The following LHX2 variants were observed in gnomAD, a reference collection of about 807,000 sequenced individuals.
LHX2 encodes LIM/homeobox protein Lhx2.
In LHX2, 6 loss-of-function variants were observed where a neutral mutation model predicts 33.0. The ratio of observed to expected loss-of-function variants is 0.18; its 90% CI spans 0.10 to 0.36. LHX2 has a LOEUF of 0.36. Among genes scored for constraint, LHX2 ranks in the 10% least tolerant of loss-of-function variants. The pLI, the probability that LHX2 is intolerant of heterozygous loss-of-function variation, is 1.00. For synonymous variants in LHX2, 292 were observed against 253.1 expected (o/e 1.15, Z -1.46); for missense variants, 442 against 586.2 (o/e 0.75, Z 2.54).
At chr9:124,026,916 C>T (rs1341397209) in intron 4 of LHX2, among the ~76,000 whole-genome samples, 1 of 152,162 alleles carries the variant, frequency 6.6e-6, no homozygotes, top group Non-Finnish European at 1.5e-5. Context: ...TACTTTGAAC[C>T]TCCATTTCCC....
chr9:124,021,026 G>A (rs1246722781), intron 3 of LHX2, 73 bp from the exon 4 acceptor site: 2 of 1,367,084 alleles, frequency 1.5e-6, no homozygotes, highest in Non-Finnish European at 1.0e-6. Flanking sequence ...TTGGCAGTGG[G>A]TGGGGCGAGT....
intron 4 of LHX2, chr9:124,031,851 G>GT (rs1564553613): frequency 6.6e-6 from 1 of 152,156 alleles, no homozygotes; most frequent in African/African-American, 2.4e-5. Flanking sequence ...ATATTCGGGA[G>GT]TACAGCTCAG....
intron 1 of LHX2, among the ~76,000 whole-genome samples, chr9:124,013,432 C>T (rs543791870): frequency 1.8e-4 from 28 of 152,254 alleles, no homozygotes; most frequent in Non-Finnish European, 4.0e-4. Flanking sequence ...GCAGAGGAGC[C>T]AGAAGTTGGC....
At chr9:124,031,917 A>T (rs1828708178) in intron 4 of LHX2, 1 of 152,462 alleles carries the variant, frequency 6.6e-6, no homozygotes, top group Non-Finnish European at 1.5e-5. Flanking sequence ...AGATAGAGTG[A>T]AATTTTTGTT....
At position 124,032,880 on chromosome 9, in the gene LHX2, G is replaced by T; in HGVS notation, c.*173G>T. 1 of 637,004 alleles carries T rather than the reference G, an allele frequency of 1.6e-6. No homozygotes were observed. The highest frequency in any genetic ancestry group is 2.7e-5 in the South Asian group (1 of 36,480). 39.5% of individuals were successfully genotyped at this position (637,004 alleles called of 1,614,324 possible). ...TGCGCCCGGCTAATGCAGCGGTGTG[G>T]ACCGAGGAACAACTTGGAAGATCTA... On this transcript the variant is annotated 3_prime_UTR_variant, in exon 5 of 5. Transcript: ENST00000373615. This position sits in a 1 kb window ranked among gnomAD's most constrained non-coding sequence, Gnocchi z 4.1.
In LHX2 at chr9:124,015,392, C is replaced by T; in HGVS notation, c.594C>T (p.Ser198=). 6.2e-7 allele frequency: 1 copy of T among 1,608,866 alleles called. No individual in the cohort carries two copies. The highest frequency in any genetic ancestry group is 8.5e-7 in the Non-Finnish European group (1 of 1,177,250). Residue 198 remains serine (S), a synonymous_variant, in exon 3 of 5, where the codon AGC becomes AGT. Transcript: ENST00000373615. This position sits in a 1 kb window ranked among gnomAD's most constrained non-coding sequence, Gnocchi z 7.9. ...CCGCTGCAGCCGCGGCGGCCAAGAG[C>T]GCGGGGCTGGGCGCAGCAGGGGCCA... ...AAAAAAAAAK[S]AGLGAAGANP...
In LHX2 at chr9:124,015,436, A is replaced by G. The variant is rs1346306936; in HGVS notation, c.638A>G (p.Tyr213Cys). ...AAGANPLGLP[Y>C]YNGVGTVQKG... ...GGGGCCAACCCTCTGGGTCTTCCCT[A>G]CTACAATGGCGTGGGCACTGTGCAG... Residue 213 changes from tyrosine (Y) to cysteine (C), a missense_variant, in exon 3 of 5, where the codon TAC (tyrosine) becomes TGC (cysteine). Tyr to Cys is a radical substitution (Grantham distance 194). This residue lies in a region of LHX2 where 132 missense variants were observed against 139.1 expected (regional missense o/e 0.95). Transcript: ENST00000373615. The surrounding 1 kb of genome is among the most constrained non-coding windows in gnomAD (Gnocchi z 7.9). 1.3e-6 allele frequency: 2 copies of G among 1,588,040 alleles called. No individual in the cohort carries two copies. The highest frequency in any genetic ancestry group is 1.7e-6 in the Non-Finnish European group (2 of 1,167,430).
At chr9:124,030,250 C>T (rs1170335755) in intron 4 of LHX2, among the ~76,000 whole-genome samples, 6 of 152,246 alleles carry the variant, frequency 3.9e-5, no homozygotes, top group Admixed American at 1.3e-4. Context: ...CCCCTGCAGC[C>T]GGGGTGGTCC....
At position 124,016,101 on chromosome 9, in the gene LHX2, A is replaced by T. The variant is rs920398218; in HGVS notation, c.727+576A>T. Among the ~76,000 whole-genome samples, 1 of 152,186 alleles carries T rather than the reference A, an allele frequency of 6.6e-6. No individual in the cohort carries two copies. The highest frequency in any genetic ancestry group is 2.4e-5 in the African/African-American group (1 of 41,442). On this transcript the variant is annotated intron_variant, in intron 3 of 4. Coordinates refer to ENST00000373615, the MANE Select transcript of LHX2 (RefSeq NM_004789.4). The surrounding 1 kb of genome is among the most constrained non-coding windows in gnomAD (Gnocchi z 4.4). Reference sequence around the variant, plus strand: ...TGCTCGGCCCGATCCTCCTTTAAAGACAGGTCTCAGTTTTCCCGGACTTTT... The same window carrying T: ...TGCTCGGCCCGATCCTCCTTTAAAGTCAGGTCTCAGTTTTCCCGGACTTTT...
At chr9:124,024,644 C>A (rs1398445254) in intron 4 of LHX2, among the ~76,000 whole-genome samples, 3 of 152,058 alleles carry the variant, frequency 2.0e-5, no homozygotes, top group Non-Finnish European at 4.4e-5. Context: ...GAGTCAGGAC[C>A]CAGGCATGCT....
intron 3 of LHX2, among the ~76,000 whole-genome samples, chr9:124,017,497 G>A (rs1440567599): frequency 6.6e-6 from 1 of 152,214 alleles, no homozygotes; most frequent in Non-Finnish European, 1.5e-5. Context: ...TGTGGGCCGC[G>A]GGGCAGCTAG....
intron 3 of LHX2, among the ~76,000 whole-genome samples, chr9:124,017,743 GGGGGCGCCGTC>G (rs1007237277): frequency 3.9e-4 from 59 of 152,122 alleles, no homozygotes; most frequent in African/African-American, 1.3e-3. Flanking sequence ...CGAGTGGGGA[GGGGGCGCCGTC>G]GGGGCGCCGG....
intron 1 of LHX2, 44 bp from the exon 2 acceptor site, chr9:124,013,917 G>T: frequency 6.3e-7 from 1 of 1,585,662 alleles, no homozygotes; most frequent in Non-Finnish European, 8.6e-7. Context: ...AGGGGCCGCT[G>T]GCTGACGCAG....
chr9:124,025,976 C>T (rs1474016116), intron 4 of LHX2, among the ~76,000 whole-genome samples: 2 of 152,052 alleles, frequency 1.3e-5, no homozygotes, highest in East Asian at 1.9e-4. Flanking sequence ...CAGAGCAAGA[C>T]TCTGTCTCCA....
chr9:124,030,063 G>A (rs994932633), intron 4 of LHX2, among the ~76,000 whole-genome samples: 4 of 152,230 alleles, frequency 2.6e-5, no homozygotes, highest in African/African-American at 7.2e-5. Context: ...TTCTTTGGGC[G>A]GAGAGCCAGG....
intron 4 of LHX2, among the ~76,000 whole-genome samples, chr9:124,026,924 C>A (rs1211571793): frequency 6.6e-6 from 1 of 152,162 alleles, no homozygotes; most frequent in Non-Finnish European, 1.5e-5. Flanking sequence ...ACCTCCATTT[C>A]CCTACCTGTA....
At position 124,032,461 on chromosome 9, in the gene LHX2, C is replaced by A; in HGVS notation, c.975C>A (p.Leu325=). Residue 325 remains leucine (L), a synonymous_variant, in exon 5 of 5, where the codon CTC becomes CTA. Coordinates refer to ENST00000373615, the MANE Select transcript of LHX2 (RefSeq NM_004789.4). The surrounding 1 kb of genome is among the most constrained non-coding windows in gnomAD (Gnocchi z 4.1). ...QNARAKFRRN[L]LRQENTGVDK... ...CCCGAGCCAAGTTCAGGCGCAACCT[C>A]TTACGGCAGGAAAACACGGGCGTGG... The A allele has an allele frequency of 6.2e-7, 1 of 1,606,930 alleles. No individual in the cohort carries two copies. Among genetic ancestry groups the A allele is most frequent in the South Asian group, 1.1e-5 (1 of 90,968 alleles).
intron 3 of LHX2, among the ~76,000 whole-genome samples, chr9:124,018,325 C>G (rs1368594036): frequency 6.6e-6 from 1 of 151,312 alleles, no homozygotes; most frequent in Non-Finnish European, 1.5e-5. Flanking sequence ...CCCCTCGGCC[C>G]CTCGCTCCTC....
chr9:124,026,176 T>C (rs1828618217), intron 4 of LHX2, among the ~76,000 whole-genome samples: 1 of 151,954 alleles, frequency 6.6e-6, no homozygotes, highest in Non-Finnish European at 1.5e-5. Context: ...TGAACAAGAC[T>C]GGCTGGGCGT....
Sources: gnomAD v4.1 joint callset for allele counts (sites outside exome capture counted in the v4.1 genomes callset) on GRCh38, gnomAD v4.1.1 for gene constraint, gnomAD v4.1.1 regional missense constraint, Gnocchi (gnomAD v3.1) non-coding constraint, MANE v1.5 for transcripts, NCBI Gene and HGNC (gene_info 2026-07-23, HGNC 2026-07-21) for gene names.